EBF1: variants seen among roughly 807,000 people sequenced by gnomAD.
EBF1 encodes the protein transcription factor COE1.
A neutral mutation model predicts 68.4 loss-of-function variants in EBF1; 10 were observed. The observed-to-expected ratio is 0.15, with a 90% CI of 0.09 to 0.25. EBF1 has a LOEUF of 0.25. Among genes scored for constraint, EBF1 ranks in the 10% least tolerant of loss-of-function variants. EBF1 has a pLI of 1.00. For missense variants in EBF1, 509 were observed against 794.4 expected (o/e 0.64, Z 4.32); for synonymous variants, 298 against 299.8 (o/e 0.99, Z 0.06).
At chr5:158,854,353 GGT>G (rs753080318) in intron 6 of EBF1, among the ~76,000 whole-genome samples, 1 of 152,204 alleles carries the variant, frequency 6.6e-6, no homozygotes, top group East Asian at 1.9e-4. Context: ...TGTTTTGTTT[GGT>G]TATTTTTAAG....
intron 6 of EBF1, among the ~76,000 whole-genome samples, chr5:158,843,541 C>T (rs1490616276): frequency 1.3e-5 from 2 of 152,204 alleles, no homozygotes; most frequent in Non-Finnish European, 2.9e-5. Flanking sequence ...CCTGCCCCCT[C>T]AACAGTGGAT....
rs544716890 is a variant in EBF1 at position 159,004,859 on chromosome 5, G to A, written c.554+68537C>T. On this transcript the variant is annotated intron_variant, in intron 6 of 15. Coordinates refer to ENST00000313708, the MANE Select transcript of EBF1 (RefSeq NM_024007.5). ...TTTACAGCCAGACTTACCATCATGG[G>A]AAACTCTTCCTGTAAGAAGCCAGCC... Among the ~76,000 whole-genome samples the A allele has an allele frequency of 2.0e-5, 3 of 152,212 alleles. No individual in the cohort carries two copies. In the South Asian group the frequency reaches 6.2e-4, roughly 32 times the overall value.
intron 6 of EBF1, among the ~76,000 whole-genome samples, chr5:158,926,866 AGTAAT>A (rs1427524102): frequency 6.6e-6 from 1 of 152,268 alleles, no homozygotes; most frequent in Admixed American, 6.5e-5. Flanking sequence ...TACAGACTTT[AGTAAT>A]GTATTAATTG....
chr5:158,930,269 T>TG (rs1380593792), intron 6 of EBF1, among the ~76,000 whole-genome samples: 2 of 110,486 alleles, frequency 1.8e-5, no homozygotes, highest in African/African-American at 5.4e-5. Context: ...TGTTTTTTTT[T>TG]TTGTTTGTTT....
chr5:158,923,981 TGTTTTAATCACTA>T (rs1809025717), intron 6 of EBF1, among the ~76,000 whole-genome samples: 1 of 152,264 alleles, frequency 6.6e-6, no homozygotes, highest in African/African-American at 2.4e-5. Context: ...AGAGTTGTAC[TGTTTTAATCACTA>T]GTTTTAAGCC....
intron 8 of EBF1, among the ~76,000 whole-genome samples, chr5:158,814,741 G>A (rs1319813069): frequency 1.3e-5 from 2 of 152,056 alleles, no homozygotes; most frequent in African/African-American, 4.8e-5. Flanking sequence ...TGATTTCTAG[G>A]GAGATGAGTT....
intron 7 of EBF1, among the ~76,000 whole-genome samples, chr5:158,838,047 T>C (rs1291128289): frequency 6.6e-6 from 1 of 152,180 alleles, no homozygotes; most frequent in Non-Finnish European, 1.5e-5. Flanking sequence ...GCCAGCTTAA[T>C]TGCAAAGTTG....
chr5:158,776,425 T>C (rs1364106365), intron 10 of EBF1, among the ~76,000 whole-genome samples: 1 of 152,130 alleles, frequency 6.6e-6, no homozygotes, highest in Non-Finnish European at 1.5e-5. Context: ...AAAAATAAAA[T>C]TCGTCCACTT....
At chr5:158,897,953 GGGC>G in intron 6 of EBF1, among the ~76,000 whole-genome samples, 1 of 152,264 alleles carries the variant, frequency 6.6e-6, no homozygotes, top group Non-Finnish European at 1.5e-5. Context: ...AAAGGGTACT[GGGC>G]GAGGCATCTA....
At position 158,831,973 on chromosome 5, in the gene EBF1, T is replaced by C. The variant is rs1433234057; in HGVS notation, c.636+8056A>G. 2.0e-5 allele frequency among the ~76,000 whole-genome samples: 3 copies of C among 152,046 alleles called. No homozygotes were observed. The East Asian group carries it at 5.8e-4, about 29-fold the overall frequency. On this transcript the variant is annotated intron_variant, in intron 7 of 15. Transcript: ENST00000313708. The stretch of plus-strand genomic sequence containing the variant: ...GGACTAAAGCAAATAAGAGAAAAAG[T>C]GGTAGAAAAATAAGTAAGATTATAC...
chr5:158,730,398 G>T (rs745907098), intron 11 of EBF1, among the ~76,000 whole-genome samples: 3 of 152,208 alleles, frequency 2.0e-5, no homozygotes, highest in Non-Finnish European at 4.4e-5. Context: ...TTCACAACAG[G>T]TATGCAATAG....
At chr5:158,790,935 A>G (rs992722360) in intron 9 of EBF1, among the ~76,000 whole-genome samples, 1 of 152,196 alleles carries the variant, frequency 6.6e-6, no homozygotes, top group Non-Finnish European at 1.5e-5. Flanking sequence ...CTCTGAAAGA[A>G]AAGAACAATA....
intron 6 of EBF1, among the ~76,000 whole-genome samples, chr5:158,975,739 C>T (rs944227561): frequency 7.7e-4 from 117 of 152,318 alleles, no homozygotes; most frequent in Non-Finnish European, 4.4e-4. Flanking sequence ...ACATAAACAA[C>T]TGGGGGGTCA....
intron 6 of EBF1, among the ~76,000 whole-genome samples, chr5:158,937,419 G>C (rs748573005): frequency 8.5e-5 from 13 of 152,220 alleles, no homozygotes; most frequent in South Asian, 2.1e-4. Flanking sequence ...AACAGCAGCA[G>C]GAGCTACTTA....
intron 6 of EBF1, among the ~76,000 whole-genome samples, chr5:159,062,461 G>C (rs985758201): frequency 6.6e-6 from 1 of 152,022 alleles, no homozygotes; most frequent in South Asian, 2.1e-4. Flanking sequence ...GATGGGATTG[G>C]GGGTGGGGGA....
At chr5:158,711,186 CACAA>C (rs1164130490) in intron 14 of EBF1, among the ~76,000 whole-genome samples, 4 of 151,764 alleles carry the variant, frequency 2.6e-5, no homozygotes, top group South Asian at 2.1e-4. Context: ...ATACACCAAA[CACAA>C]ACAAAGGGGA....
At chr5:159,045,348 T>C (rs190796326) in intron 6 of EBF1, among the ~76,000 whole-genome samples, 5 of 152,196 alleles carry the variant, frequency 3.3e-5, no homozygotes, top group Admixed American at 1.3e-4. Flanking sequence ...TTATACACAG[T>C]TCCTCCCTCC....
At chr5:158,948,911 A>G (rs1815409563) in intron 6 of EBF1, among the ~76,000 whole-genome samples, 1 of 152,158 alleles carries the variant, frequency 6.6e-6, no homozygotes, top group African/African-American at 2.4e-5. Context: ...ACTCTCAAGT[A>G]TGGAATGGCT....
At chr5:158,889,801 T>C (rs1290823539) in intron 6 of EBF1, among the ~76,000 whole-genome samples, 1 of 152,214 alleles carries the variant, frequency 6.6e-6, no homozygotes, top group African/African-American at 2.4e-5. Flanking sequence ...TCCTTATCTA[T>C]GGGGTTTCAC....
Sources: gnomAD v4.1 joint callset for allele counts (sites outside exome capture counted in the v4.1 genomes callset) on GRCh38, gnomAD v4.1.1 for gene constraint, MANE v1.5 for transcripts, NCBI Gene and HGNC (gene_info 2026-07-23, HGNC 2026-07-21) for gene names.